DAW1: variants seen among roughly 807,000 people sequenced by gnomAD.
DAW1 encodes dynein assembly factor with WD repeat domains 1.
In DAW1, 47 loss-of-function variants were observed where a neutral mutation model predicts 56.5. That is an observed-to-expected ratio of 0.83 (90% CI 0.66 to 1.06). DAW1 has a LOEUF of 1.06. Among genes scored for constraint, DAW1 ranks in the 50% least tolerant of loss-of-function variants. The probability of loss-of-function intolerance (pLI) is 0.00; values close to 1 mark genes in which losing one functional copy is unlikely to be tolerated. For missense variants in DAW1, 505 were observed against 499.3 expected, an observed-to-expected ratio of 1.01 and a Z score of -0.11; for synonymous variants, 190 against 179.0, an observed-to-expected ratio of 1.06 and a Z score of -0.49.
chr2:227,901,939 G>T lies in DAW1; in HGVS notation c.541-1063G>T, dbSNP rs564958883. On this transcript the variant is annotated intron_variant, in intron 6 of 12. Coordinates refer to ENST00000309931, the MANE Select transcript of DAW1 (RefSeq NM_178821.3). ...CAGGGAAGGGGTTCTTAGAATGGGCGGAAGGATGCCTCTACATCCGAGACT... is the reference window on the plus strand; with the variant it reads ...CAGGGAAGGGGTTCTTAGAATGGGCTGAAGGATGCCTCTACATCCGAGACT... Among the ~76,000 whole-genome samples, 6 of 152,258 alleles carry T rather than the reference G, an allele frequency of 3.9e-5. No homozygotes were observed. In the South Asian group the frequency reaches 1.2e-3, roughly 32 times the overall value.
At chr2:227,910,721 C>T (rs1413917506) in intron 10 of DAW1, among the ~76,000 whole-genome samples, 1 of 152,112 alleles carries the variant, frequency 6.6e-6, no homozygotes, top group East Asian at 1.9e-4. Context: ...CCAGGACCTA[C>T]AAATATGATA....
At chr2:227,889,284 G>A (rs1691202849) in intron 2 of DAW1, among the ~76,000 whole-genome samples, 1 of 152,166 alleles carries the variant, frequency 6.6e-6, no homozygotes, top group Admixed American at 6.5e-5. Flanking sequence ...AGTTCTGACT[G>A]AGAAATCCAA....
chr2:227,891,119 G>C, intron 3 of DAW1, 136 bp from the exon 4 acceptor site: 1 of 734,734 alleles, frequency 1.4e-6, no homozygotes, highest in Non-Finnish European at 2.3e-6. Context: ...ACATAGCACT[G>C]TCTAAAGGTA....
At position 227,898,265 on chromosome 2, in the gene DAW1, G is replaced by T; in HGVS notation, c.524G>T (p.Gly175Val). 1 of 1,543,542 alleles carries T rather than the reference G, an allele frequency of 6.5e-7. No homozygotes were observed. Among genetic ancestry groups the T allele is most frequent in the African/African-American group, 1.4e-5 (1 of 73,708 alleles). ...ETGKCYHTFR[G>V]HTAEIVCLSF... Reference sequence around the variant, plus strand: ...GGAAAATGTTACCATACCTTCAGGGGTCATACAGCAGAAATAGTGAGTATA... The same window carrying T: ...GGAAAATGTTACCATACCTTCAGGGTTCATACAGCAGAAATAGTGAGTATA... Residue 175 changes from glycine (G) to valine (V), a missense_variant, in exon 6 of 13, where the codon GGT (glycine) becomes GTT (valine). Gly to Val is a moderately radical substitution (Grantham distance 109). Transcript: ENST00000309931.
rs1574664544 is a variant in DAW1 at position 227,907,014 on chromosome 2, C to G, written c.859-124C>G. On this transcript the variant is annotated intron_variant, in intron 9 of 12. Coordinates refer to ENST00000309931, the MANE Select transcript of DAW1 (RefSeq NM_178821.3). Reference sequence around the variant, plus strand: ...TCTAACTGAACATGCATGAATTACACAAGTGATTTTTGCACAGTTATTTAA... The same window carrying G: ...TCTAACTGAACATGCATGAATTACAGAAGTGATTTTTGCACAGTTATTTAA... The G allele has an allele frequency of 3.9e-5, 24 of 619,322 alleles. No homozygotes were observed. In the East Asian group the frequency reaches 6.8e-4, roughly 18 times the overall value. 38.4% of individuals were successfully genotyped at this position (619,322 alleles called of 1,614,324 possible).
chr2:227,910,666 T>C (rs1380719667), intron 10 of DAW1, among the ~76,000 whole-genome samples: 1 of 152,182 alleles, frequency 6.6e-6, no homozygotes, highest in Non-Finnish European at 1.5e-5. Context: ...TATTTCGGCA[T>C]CATATTCATA....
At chr2:227,915,421 A>G (rs905677715) in intron 10 of DAW1, among the ~76,000 whole-genome samples, 1 of 152,038 alleles carries the variant, frequency 6.6e-6, no homozygotes, top group African/African-American at 2.4e-5. Context: ...TGATATCCAT[A>G]AAGTATGCTA....
chr2:227,889,439 T>C (rs1236024742), intron 2 of DAW1: 4 of 153,162 alleles, frequency 2.6e-5, no homozygotes, highest in African/African-American at 9.6e-5. Context: ...TCAGGGCTTC[T>C]AATCCCATTC....
At chr2:227,884,142 C>T (rs181569592) in intron 1 of DAW1, among the ~76,000 whole-genome samples, 2 of 152,314 alleles carry the variant, frequency 1.3e-5, no homozygotes, top group East Asian at 3.9e-4. Flanking sequence ...TACTTTTGAA[C>T]TCGCTTAGCA....
In DAW1 at chr2:227,891,243, C is replaced by T; in HGVS notation, c.259-12C>T. 6.2e-7 allele frequency: 1 copy of T among 1,608,528 alleles called. No individual in the cohort carries two copies. The highest frequency in any genetic ancestry group is 8.5e-7 in the Non-Finnish European group (1 of 1,177,984). On this transcript the variant is annotated splice_polypyrimidine_tract_variant and intron_variant, in intron 3 of 12. Coordinates refer to ENST00000309931, the MANE Select transcript of DAW1 (RefSeq NM_178821.3). ...GTTTGAGTCTAAAAAATGGTGTTTT[C>T]TTTCACTGAAGGTTCTCAAAGCACA...
chr2:227,874,648 G>A (rs1340980729), intron 1 of DAW1, among the ~76,000 whole-genome samples: 1 of 151,974 alleles, frequency 6.6e-6, no homozygotes, highest in African/African-American at 2.4e-5. Context: ...TAATGTTGGA[G>A]TGCCCCAGAG....
At chr2:227,881,834 C>A (rs1053345168) in intron 1 of DAW1, among the ~76,000 whole-genome samples, 3 of 144,352 alleles carry the variant, frequency 2.1e-5, no homozygotes, top group Non-Finnish European at 3.0e-5. Flanking sequence ...CTCACTGGAA[C>A]CTCCACCTCC....
chr2:227,914,491 G>A (rs1230925546), intron 10 of DAW1, among the ~76,000 whole-genome samples: 2 of 151,988 alleles, frequency 1.3e-5, no homozygotes, highest in Admixed American at 6.6e-5. Context: ...CCATCATATT[G>A]ATATCCATAT....
At chr2:227,908,118 A>G (rs1478693387) in intron 10 of DAW1, among the ~76,000 whole-genome samples, 1 of 152,140 alleles carries the variant, frequency 6.6e-6, no homozygotes, top group Non-Finnish European at 1.5e-5. Context: ...ACTACACTAT[A>G]TCTGTCATCT....
intron 3 of DAW1, 147 bp from the exon 4 acceptor site, chr2:227,891,108 C>A: frequency 1.6e-6 from 1 of 639,086 alleles, no homozygotes; most frequent in Non-Finnish European, 2.7e-6. Flanking sequence ...AATAAGATGC[C>A]ACATAGCACT....
At chr2:227,881,739 C>G (rs984780410) in intron 1 of DAW1, among the ~76,000 whole-genome samples, 7 of 125,290 alleles carry the variant, frequency 5.6e-5, no homozygotes, top group African/African-American at 2.0e-4. Context: ...AACTCTGCCA[C>G]ATTCTTTTTT....
chr2:227,921,516 A>C lies in DAW1; in HGVS notation c.1168A>C (p.Ile390Leu), dbSNP rs1469627820. The change falls in exon 12 of 13, where the codon ATC becomes CTC. Residue 390 changes from isoleucine (I) to leucine (L), a missense_variant. Coordinates refer to ENST00000309931, the MANE Select transcript of DAW1 (RefSeq NM_178821.3). ...GGTTCTTGAGGGGCACACTGATGAAATCTTTTCATGTGCTTTCAACTATAA... is the reference window on the plus strand; with the variant it reads ...GGTTCTTGAGGGGCACACTGATGAACTCTTTTCATGTGCTTTCAACTATAA... ...LQVLEGHTDE[I>L]FSCAFNYKGN... 1.9e-6 allele frequency: 3 copies of C among 1,613,706 alleles called. No homozygotes were observed. The highest frequency in any genetic ancestry group is 1.7e-5 in the Admixed American group (1 of 59,972).
chr2:227,872,600 A>G (rs1690782905), intron 1 of DAW1, among the ~76,000 whole-genome samples: 1 of 152,066 alleles, frequency 6.6e-6, no homozygotes, highest in Admixed American at 6.6e-5. Flanking sequence ...GTGCCCTGCC[A>G]GTAGAAGGCA....
intron 10 of DAW1, among the ~76,000 whole-genome samples, chr2:227,916,333 T>G (rs1437989963): frequency 6.6e-6 from 1 of 152,194 alleles, no homozygotes; most frequent in African/African-American, 2.4e-5. Flanking sequence ...AAGATATCTG[T>G]GTTATCACCT....
Sources: allele counts gnomAD v4.1 joint callset (sites outside exome capture counted in the v4.1 genomes callset), GRCh38; gene constraint gnomAD v4.1.1; transcripts MANE v1.5; gene names NCBI Gene and HGNC (gene_info 2026-07-23, HGNC 2026-07-21).